TEK: variants seen among roughly 807,000 people sequenced by gnomAD.
TEK encodes the protein TEK receptor tyrosine kinase.
TEK carries 43 observed loss-of-function variants against 131.8 expected under a neutral mutation model. The ratio of observed to expected loss-of-function variants is 0.33; its 90% confidence interval spans 0.26 to 0.42. The LOEUF is 0.42. Among genes scored for constraint, TEK ranks in the 10% least tolerant of loss-of-function variants. The pLI, the probability that TEK is intolerant of heterozygous loss-of-function variation, is 1.00. For synonymous variants in TEK, 580 were observed against 491.6 expected (o/e 1.18, Z -2.38); for missense variants, 1,162 against 1,384.4 (o/e 0.84, Z 2.55).
At chr9:27,132,277 G>A (rs569320721) in intron 1 of TEK, among the ~76,000 whole-genome samples, 4 of 151,806 alleles carry the variant, frequency 2.6e-5, no homozygotes, top group South Asian at 2.1e-4. Context: ...TAGTAGAGAC[G>A]GGGTTTCACC....
chr9:27,144,539 G>A (rs976826928), intron 1 of TEK, among the ~76,000 whole-genome samples: 3 of 152,264 alleles, frequency 2.0e-5, no homozygotes, highest in Admixed American at 6.5e-5. Context: ...AGGAAAAACA[G>A]ACATAAAATC....
chr9:27,198,724 C>T (rs540971246), intron 12 of TEK, among the ~76,000 whole-genome samples: 1 of 152,204 alleles, frequency 6.6e-6, no homozygotes, highest in South Asian at 2.1e-4. Context: ...AACTGTTATC[C>T]CTATCTATTT....
intron 18 of TEK, among the ~76,000 whole-genome samples, chr9:27,216,872 C>T (rs927369): frequency 0.71 from 107,648 of 151,970 alleles, 38,366 homozygotes; most frequent in East Asian, 0.82. Context: ...GACAAATCTC[C>T]GGGAGGGAGG....
chr9:27,176,832 A>C (rs80148228), intron 6 of TEK, among the ~76,000 whole-genome samples: 1 of 152,272 alleles, frequency 6.6e-6, no homozygotes, highest in East Asian at 1.9e-4. Context: ...CCCTTTGACC[A>C]ACATCTCCCC....
intron 6 of TEK, among the ~76,000 whole-genome samples, chr9:27,175,838 TG>T (rs1295108875): frequency 6.6e-6 from 1 of 152,192 alleles, no homozygotes; most frequent in Non-Finnish European, 1.5e-5. Context: ...TGGGGTTGTT[TG>T]TTTTTTTCTT....
intron 14 of TEK, 73 bp from the exon 15 acceptor site, chr9:27,206,509 A>C: frequency 1.4e-6 from 2 of 1,479,396 alleles, no homozygotes; most frequent in Non-Finnish European, 1.9e-6. Flanking sequence ...TGTGGATGCC[A>C]ACCAGAAGAC....
At chr9:27,136,893 A>G in intron 1 of TEK, among the ~76,000 whole-genome samples, 1 of 151,988 alleles carries the variant, frequency 6.6e-6, no homozygotes, top group East Asian at 1.9e-4. Context: ...GAGAAAAAAA[A>G]TCTCTCCATG....
chr9:27,212,508 C>T (rs1260813139), intron 16 of TEK, among the ~76,000 whole-genome samples, 199 bp from the exon 17 acceptor site: 3 of 152,086 alleles, frequency 2.0e-5, no homozygotes, highest in South Asian at 2.1e-4. Flanking sequence ...CAAAACCAAG[C>T]GTTGCAGCCT....
Position 27,182,486 on chromosome 9 carries a change from C to G in TEK, c.1031-973C>G, listed in dbSNP as rs7038562. On this transcript the variant is annotated intron_variant, in intron 7 of 22. Coordinates refer to ENST00000380036, the MANE Select transcript of TEK (RefSeq NM_000459.5). ...TGTAAGTATTAGACCTCTTTCCCTTCTCCTCCACACCTTTACCCATTTCAT... is the reference window on the plus strand; with the variant it reads ...TGTAAGTATTAGACCTCTTTCCCTTGTCCTCCACACCTTTACCCATTTCAT... Among the ~76,000 whole-genome samples, 857 of 152,266 alleles carry G rather than the reference C, an allele frequency of 5.6e-3. 6 individuals are homozygous for G. The highest frequency in any genetic ancestry group is 0.019 in the African/African-American group (786 of 41,548).
At chr9:27,115,193 A>G (rs1003056887) in intron 1 of TEK, among the ~76,000 whole-genome samples, 1 of 152,210 alleles carries the variant, frequency 6.6e-6, no homozygotes, top group South Asian at 2.1e-4. Context: ...AAAATGAAAT[A>G]GCAATATCTG....
chr9:27,174,376 T>C (rs945899514), intron 6 of TEK, among the ~76,000 whole-genome samples: 2 of 152,182 alleles, frequency 1.3e-5, no homozygotes, highest in African/African-American at 2.4e-5. Flanking sequence ...GCCATCCACA[T>C]ATAGAATTTA....
chr9:27,200,435 C>A (rs191544597), intron 12 of TEK, among the ~76,000 whole-genome samples: 15 of 152,068 alleles, frequency 9.9e-5, no homozygotes, highest in Admixed American at 6.5e-5. Flanking sequence ...AGTCGACTTG[C>A]CTTGGATGAT....
At chr9:27,139,616 G>C (rs1347665176) in intron 1 of TEK, among the ~76,000 whole-genome samples, 1 of 151,998 alleles carries the variant, frequency 6.6e-6, no homozygotes. Context: ...GAGACACCAT[G>C]CCTGGCTGAC....
At position 27,138,752 on chromosome 9, in the gene TEK, A is replaced by G. The variant is rs1430500418; in HGVS notation, c.53-19079A>G. 3.9e-5 allele frequency among the ~76,000 whole-genome samples: 6 copies of G among 152,350 alleles called. No individual in the cohort carries two copies. In the East Asian group the frequency reaches 1.2e-3, roughly 29 times the overall value. On this transcript the variant is annotated intron_variant, in intron 1 of 22. Coordinates refer to ENST00000380036, the MANE Select transcript of TEK (RefSeq NM_000459.5). ...AGTATTCACAGGATCTGAAACTCAC[A>G]TAAACAGATGGGTCCAACTTTTCGT... is the stretch of plus-strand genomic sequence containing the variant.
intron 1 of TEK, among the ~76,000 whole-genome samples, chr9:27,134,968 T>C (rs903355937): frequency 6.6e-5 from 10 of 152,202 alleles, no homozygotes; most frequent in Non-Finnish European, 1.2e-4. Flanking sequence ...TAAATTGTTA[T>C]AATCCCAGCA....
chr9:27,129,759 A>G (rs1452964317), intron 1 of TEK, among the ~76,000 whole-genome samples: 1 of 152,174 alleles, frequency 6.6e-6, no homozygotes, highest in Non-Finnish European at 1.5e-5. Flanking sequence ...CAGAATAAGC[A>G]TTTTTCTCAT....
At chr9:27,154,220 G>A (rs556408859) in intron 1 of TEK, among the ~76,000 whole-genome samples, 1 of 151,814 alleles carries the variant, frequency 6.6e-6, no homozygotes, top group African/African-American at 2.4e-5. Context: ...AGAACGTGCA[G>A]GTCTGTTACA....
At chr9:27,119,243 T>C (rs1309708875) in intron 1 of TEK, among the ~76,000 whole-genome samples, 1 of 152,136 alleles carries the variant, frequency 6.6e-6, no homozygotes, top group Non-Finnish European at 1.5e-5. Flanking sequence ...CGAACTAGTG[T>C]TTCATGGTCA....
At chr9:27,224,342 T>C (rs533226863) in intron 21 of TEK, among the ~76,000 whole-genome samples, 37 of 152,250 alleles carry the variant, frequency 2.4e-4, no homozygotes, top group Non-Finnish European at 5.0e-4. Context: ...CTGATGAACA[T>C]TGATGCGAAA....
Sources: allele counts gnomAD v4.1 joint callset (sites outside exome capture counted in the v4.1 genomes callset), GRCh38; gene constraint gnomAD v4.1.1; transcripts MANE v1.5; gene names NCBI Gene and HGNC (gene_info 2026-07-23, HGNC 2026-07-21).